POLD3: variants seen among roughly 807,000 people sequenced by gnomAD.
POLD3 encodes DNA polymerase delta subunit 3.
Under a neutral mutation model 58.2 loss-of-function variants are expected in POLD3, and 19 were observed. The observed-to-expected ratio is 0.33, with a 90% CI of 0.23 to 0.48. POLD3 has a LOEUF of 0.48. Ranked by LOEUF, POLD3 falls within the 20% of genes least tolerant of loss-of-function variation. The pLI is 0.99. For synonymous variants in POLD3, 172 were observed against 193.5 expected (o/e 0.89, Z 0.92); for missense variants, 504 against 545.5 (o/e 0.92, Z 0.76).
At chr11:74,669,134 C>T (rs1201910186), downstream of POLD3, 1 of 193,910 alleles carries the variant, frequency 5.2e-6, no homozygotes, top group Non-Finnish European at 1.1e-5. Context: ...GGCAGCTGAC[C>T]TTACTATCAG....
chr11:74,665,661 A>T (rs1299960049), intron 4 of POLD3, among the ~76,000 whole-genome samples: 1 of 152,052 alleles, frequency 6.6e-6, no homozygotes, highest in African/African-American at 2.4e-5. Context: ...TGGCCTCTCA[A>T]AGCACTGGGA....
In POLD3 at chr11:74,636,287, A is replaced by G; in HGVS notation, c.1198+12A>G. 4 of 1,611,948 alleles carry G rather than the reference A, an allele frequency of 2.5e-6. No homozygotes were observed. Among genetic ancestry groups the G allele is most frequent in the Non-Finnish European group, 3.4e-6 (4 of 1,178,776 alleles). ...GGAAGGCTGCATAGGTAAGACAAAT[A>G]TTTGGCTCCAAATCCAGAGATAGAA... On this transcript the variant is annotated intron_variant, in intron 11 of 11. Transcript: ENST00000263681.
chr11:74,601,881 G>A (rs567518545), intron 2 of POLD3, among the ~76,000 whole-genome samples: 2 of 152,266 alleles, frequency 1.3e-5, no homozygotes, highest in South Asian at 4.1e-4. Context: ...TGAGAAATTA[G>A]GTAGTTGAGG....
intron 8 of POLD3, among the ~76,000 whole-genome samples, chr11:74,627,354 A>G (rs561522560): frequency 2.0e-5 from 3 of 152,200 alleles, no homozygotes; most frequent in Non-Finnish European, 4.4e-5. Context: ...AGAAGAAAAT[A>G]TTTTTGTACA....
In POLD3 at chr11:74,625,452, G is replaced by T. The variant is rs2032396924; in HGVS notation, c.778G>T (p.Glu260Ter). Reference sequence around the variant, plus strand: ...GGACTCAGAACAAGCAGTGAAAGAAGAAAAAATAGTGGAGCAGCCTACAGT... The same window carrying T: ...GGACTCAGAACAAGCAGTGAAAGAATAAAAAATAGTGGAGCAGCCTACAGT... The part of the protein sequence containing the change: ...NLDSEQAVKE[E>*]KIVEQPTVSV... Residue 260 changes from glutamate to a stop codon, truncating the protein, a stop_gained, in exon 8 of 12, where the codon GAA (glutamate) becomes TAA (stop). Transcript: ENST00000263681. LOFTEE classifies it high-confidence loss of function. 1 of 1,612,694 alleles carries T rather than the reference G, an allele frequency of 6.2e-7. No homozygotes were observed. Among genetic ancestry groups the T allele is most frequent in the Non-Finnish European group, 8.5e-7 (1 of 1,179,482 alleles).
At chr11:74,615,396 C>T (rs1196511031) in intron 5 of POLD3, among the ~76,000 whole-genome samples, 1 of 152,128 alleles carries the variant, frequency 6.6e-6, no homozygotes, top group Non-Finnish European at 1.5e-5. Context: ...AGGAACCAGT[C>T]AACAATGTCA....
intron 7 of POLD3, among the ~76,000 whole-genome samples, chr11:74,621,849 T>TTTTA (rs60400893): frequency 0.41 from 61,539 of 149,356 alleles, 13,859 homozygotes; most frequent in Non-Finnish European, 0.51. Context: ...CCTCATTTCT[T>TTTTA]TTTATTTATT....
intron 8 of POLD3, 149 bp downstream of exon 8, chr11:74,625,722 G>A (rs574416015): frequency 3.4e-6 from 2 of 587,586 alleles, no homozygotes; most frequent in East Asian, 2.9e-5. Flanking sequence ...AATGGAAAGA[G>A]AAGCCCAGTA....
At chr11:74,610,168 A>G (rs1317653302) in intron 3 of POLD3, among the ~76,000 whole-genome samples, 2 of 147,868 alleles carry the variant, frequency 1.4e-5, no homozygotes. Flanking sequence ...GGCTATTTAT[A>G]TTTCTTTTTC....
chr11:74,596,226 C>G (rs1464304702), intron 2 of POLD3, among the ~76,000 whole-genome samples: 3 of 150,594 alleles, frequency 2.0e-5, no homozygotes, highest in Non-Finnish European at 3.0e-5. Flanking sequence ...CTCTGTCGCC[C>G]AGGCTGGAGT....
intron 4 of POLD3, among the ~76,000 whole-genome samples, chr11:74,663,799 C>T (rs1009497652): frequency 1.3e-5 from 2 of 152,056 alleles, no homozygotes; most frequent in Non-Finnish European, 2.9e-5. Flanking sequence ...GCAAAAGACA[C>T]CATTAAGAAA....
Position 74,618,764 on chromosome 11 carries a change from C to T in POLD3, c.620C>T (p.Thr207Ile). The change falls in exon 6 of 12, where the codon ACC (threonine) becomes ATC (isoleucine). Residue 207 changes from threonine to isoleucine, a missense_variant. By Grantham distance (89) the Thr-to-Ile change is moderately conservative (BLOSUM62 -1). This residue lies in a region of POLD3 where 385 missense variants were observed against 370.5 expected (regional missense o/e 1.04). Transcript: ENST00000263681. ...ASKAAAKTQE[T>I]NKETKTEAKE... is the part of the protein sequence containing the mutation. The stretch of plus-strand genomic sequence containing the variant: ...AAAGCTGCTGCTAAAACCCAAGAAA[C>T]CAACAAGGAAACGAAAACAGAGGCT... 1 of 1,613,744 alleles carries T rather than the reference C, an allele frequency of 6.2e-7. No homozygotes were observed. The highest frequency in any genetic ancestry group is 8.5e-7 in the Non-Finnish European group (1 of 1,179,720).
intron 4 of POLD3, among the ~76,000 whole-genome samples, chr11:74,651,113 T>C (rs142515799): frequency 4.6e-5 from 7 of 152,362 alleles, no homozygotes; most frequent in African/African-American, 1.7e-4. Flanking sequence ...TATCTGCTTA[T>C]TGGCTATCTC....
downstream of POLD3, among the ~76,000 whole-genome samples, chr11:74,646,300 C>T (rs151314855): frequency 6.8e-4 from 104 of 152,240 alleles, no homozygotes; most frequent in African/African-American, 2.4e-3. Flanking sequence ...AGTGAAAGTG[C>T]AGCTGGTTGT....
At chr11:74,614,496 G>A (rs544147697) in intron 5 of POLD3, among the ~76,000 whole-genome samples, 94 of 152,262 alleles carry the variant, frequency 6.2e-4, no homozygotes, top group African/African-American at 2.1e-3. Flanking sequence ...GGATCACGAG[G>A]TCAGGAGATT....
chr11:74,604,686 G>C lies in POLD3; in HGVS notation c.117-6G>C. 6.6e-7 allele frequency: 1 copy of C among 1,520,026 alleles called. No individual in the cohort carries two copies. The highest frequency in any genetic ancestry group is 9.1e-7 in the Non-Finnish European group (1 of 1,094,760). The allele number at this position is 1,520,026 out of a possible 1,614,324, so 94.2% of individuals were successfully genotyped here. On this transcript the variant is annotated splice_polypyrimidine_tract_variant and splice_region_variant and intron_variant, in intron 2 of 11. Transcript: ENST00000263681. ...TCTTACTTGTGCCTTCTTTTCTTTG[G>C]AATAGGATGCTGTATGATTATGTTG...
In POLD3 at chr11:74,611,619, G is replaced by A; in HGVS notation, c.259+81G>A. On this transcript the variant is annotated intron_variant, in intron 4 of 11. Coordinates refer to ENST00000263681, the MANE Select transcript of POLD3 (RefSeq NM_006591.3). ...AATAAAAAATCTGCCTCTAACATCT[G>A]CGTATAATATATTTAGCTATTTAAC... The A allele has an allele frequency of 4.1e-6, 3 of 737,068 alleles. No homozygotes were observed. The South Asian group carries it at 4.7e-5, about 12-fold the overall frequency. The allele number at this position is 737,068 out of a possible 1,614,324, so 45.7% of individuals were successfully genotyped here.
At chr11:74,619,073 A>G (rs984050442) in intron 6 of POLD3, among the ~76,000 whole-genome samples, 3 of 152,262 alleles carry the variant, frequency 2.0e-5, no homozygotes, top group Non-Finnish European at 4.4e-5. Context: ...TGAAACCCAG[A>G]TGAAAACATG....
At position 74,640,618 on chromosome 11, in the gene POLD3, A is replaced by G. The variant is rs1466715897; in HGVS notation, c.1253A>G (p.Asn418Ser). The change falls in exon 12 of 12, where the codon AAC becomes AGC. Residue 418 changes from asparagine (N) to serine (S), a missense_variant. This residue lies in a region of POLD3 where 385 missense variants were observed against 370.5 expected (regional missense o/e 1.04). Coordinates refer to ENST00000263681, the MANE Select transcript of POLD3 (RefSeq NM_006591.3). The part of the protein sequence containing the change: ...ESCTDSEEEL[N>S]MKTSSVHRPP... Reference sequence around the variant, plus strand: ...TGCACAGATAGTGAAGAGGAGCTTAACATGAAGACATCCTCAGTACACAGA... The same window carrying G: ...TGCACAGATAGTGAAGAGGAGCTTAGCATGAAGACATCCTCAGTACACAGA... 1.2e-6 allele frequency: 2 copies of G among 1,607,232 alleles called. No individual in the cohort carries two copies. Among genetic ancestry groups the G allele is most frequent in the Non-Finnish European group, 1.7e-6 (2 of 1,177,174 alleles).
Sources: allele counts gnomAD v4.1 joint callset (sites outside exome capture counted in the v4.1 genomes callset), GRCh38; gene constraint gnomAD v4.1.1; regional missense constraint gnomAD v4.1.1; transcripts MANE v1.5; gene names NCBI Gene and HGNC (gene_info 2026-07-23, HGNC 2026-07-21).